The following AMZ1 variants were observed in gnomAD, a reference collection of about 807,000 sequenced individuals.
The protein encoded by AMZ1 is archaelysin family metallopeptidase 1.
AMZ1 carries 39 observed loss-of-function variants against 29.9 expected under a neutral mutation model. The ratio of observed to expected loss-of-function variants is 1.30; its 90% CI spans 1.01 to 1.70. AMZ1 has a LOEUF of 1.70. Ranked by LOEUF, AMZ1 falls within the 40% of genes most tolerant of loss-of-function variation. AMZ1 has a pLI of 0.00. For missense variants in AMZ1, 1,041 were observed against 680.6 expected (o/e 1.53, Z -5.89); for synonymous variants, 458 against 304.0 (o/e 1.51, Z -5.27).
chr7:2,712,214 C>A, intron 6 of AMZ1, 116 bp from the exon 7 acceptor site: 1 of 1,143,052 alleles, frequency 8.7e-7, no homozygotes, highest in Non-Finnish European at 1.2e-6. Context: ...GCCTGACTCC[C>A]GCCCCTGGGT....
intron 3 of AMZ1, among the ~76,000 whole-genome samples, chr7:2,705,822 T>TTGGCCC (rs1325830837): frequency 6.6e-6 from 1 of 152,216 alleles, no homozygotes; most frequent in African/African-American, 2.4e-5. Context: ...GTGGCCTGCC[T>TTGGCCC]TGGCCCTGGC....
intron 1 of AMZ1, among the ~76,000 whole-genome samples, chr7:2,697,103 A>C (rs976316434): frequency 6.6e-6 from 1 of 152,114 alleles, no homozygotes; most frequent in African/African-American, 2.4e-5. Flanking sequence ...GTAGCATTTT[A>C]ATTTATTTTT....
At chr7:2,702,524 CTG>C in intron 2 of AMZ1, 196 bp from the exon 3 acceptor site, 1 of 608,448 alleles carries the variant, frequency 1.6e-6, no homozygotes, top group East Asian at 2.9e-5. Flanking sequence ...AATCTTTCCT[CTG>C]TGTCCCTCGG....
At chr7:2,708,082 C>A (rs7788903) in intron 3 of AMZ1, among the ~76,000 whole-genome samples, 3 of 151,868 alleles carry the variant, frequency 2.0e-5, no homozygotes, top group Admixed American at 6.6e-5. Flanking sequence ...CTTGGCCTCC[C>A]GAGTTGCTGG....
chr7:2,725,194 G>C (rs529830827), intron 4 of AMZ1, among the ~76,000 whole-genome samples: 1 of 152,316 alleles, frequency 6.6e-6, no homozygotes, highest in South Asian at 2.1e-4. Context: ...ATGTGGATTA[G>C]CTAAGGCCCA....
chr7:2,692,143 G>A (rs925848910), intron 1 of AMZ1, among the ~76,000 whole-genome samples: 1 of 152,170 alleles, frequency 6.6e-6, no homozygotes, highest in Non-Finnish European at 1.5e-5. Context: ...GGTGCTCCGA[G>A]GCCGGCTAAG....
intron 4 of AMZ1, among the ~76,000 whole-genome samples, chr7:2,753,988 T>TG (rs1791164958): frequency 6.6e-6 from 1 of 152,190 alleles, no homozygotes; most frequent in South Asian, 2.1e-4. Context: ...CACTTGGATA[T>TG]GCTCAGTGAC....
intron 5 of AMZ1, 128 bp from the exon 6 acceptor site, chr7:2,709,512 G>A (rs971258630): frequency 8.9e-5 from 124 of 1,391,410 alleles, no homozygotes; most frequent in Middle Eastern, 5.2e-4. Context: ...GGGGGAGGGC[G>A]CCTGGACCAC....
At chr7:2,755,720 G>C (rs866784721) in intron 4 of AMZ1, among the ~76,000 whole-genome samples, 1 of 152,092 alleles carries the variant, frequency 6.6e-6, no homozygotes, top group Non-Finnish European at 1.5e-5. Context: ...TGTCTACCCT[G>C]CATTTCCTTT....
Position 2,681,234 on chromosome 7 carries a change from T to C in AMZ1, c.-219+1563T>C, listed in dbSNP as rs553958445. On this transcript the variant is annotated intron_variant, in intron 1 of 6. Transcript: ENST00000312371. The stretch of plus-strand genomic sequence containing the variant: ...TCAACACAGCTTTTGTTATTCATTA[T>C]TATTTTTTGAGACGGGGTCTCACTC... 1.2e-3 allele frequency among the ~76,000 whole-genome samples: 189 copies of C among 152,312 alleles called. 1 individual carries two copies. Among genetic ancestry groups the C allele is most frequent in the African/African-American group, 4.1e-3 (169 of 41,568 alleles).
At chr7:2,704,837 C>A (rs1483173680) in intron 3 of AMZ1, among the ~76,000 whole-genome samples, 1 of 152,056 alleles carries the variant, frequency 6.6e-6, no homozygotes, top group East Asian at 1.9e-4. Flanking sequence ...ACCTGGTGAT[C>A]TGCCTGCCTC....
intron 1 of AMZ1, among the ~76,000 whole-genome samples, chr7:2,696,394 C>CT (rs1290428642): frequency 6.6e-6 from 1 of 150,378 alleles, no homozygotes. Context: ...GTAGCTGGGA[C>CT]TACAGGCGCC....
At chr7:2,751,954 C>T (rs188287408) in intron 4 of AMZ1, among the ~76,000 whole-genome samples, 1 of 152,140 alleles carries the variant, frequency 6.6e-6, no homozygotes, top group Admixed American at 6.5e-5. Flanking sequence ...CGAACGTGAA[C>T]TTTTTCAGAA....
chr7:2,762,749 T>C (rs1048828300), upstream of AMZ1: 39 of 1,552,918 alleles, frequency 2.5e-5, no homozygotes, highest in Non-Finnish European at 3.1e-5. Context: ...CCGCAGGAAG[T>C]GCACCAGGCC....
In AMZ1 at chr7:2,719,024, TCCC is replaced by T. The variant is rs66846250; in HGVS notation, c.*6151_*6153del. On this transcript the variant is annotated 3_prime_UTR_variant, in exon 7 of 7. Transcript: ENST00000683327. ...AACAGGCGACTTTTTTTTTTTTTTTTCCCCCCCATCTGAAGTGAGATCAAACTT... is the reference window on the plus strand; with the variant it reads ...AACAGGCGACTTTTTTTTTTTTTTTTCCCCATCTGAAGTGAGATCAAACTT... Among the ~76,000 whole-genome samples, 35,421 of 142,064 alleles carry T rather than the reference TCCC, an allele frequency of 0.25. 4,748 individuals are homozygous for T. Among genetic ancestry groups the T allele is most frequent in the Non-Finnish European group, 0.3 (19,284 of 64,988 alleles). 93.2% of individuals were successfully genotyped at this position (142,064 alleles called of 152,430 possible). A position where few individuals can be genotyped will look rare whatever the true frequency, so the allele number is the denominator to read the frequency against.
At chr7:2,743,018 A>AG in intron 4 of AMZ1, among the ~76,000 whole-genome samples, 1 of 152,220 alleles carries the variant, frequency 6.6e-6, no homozygotes, top group Non-Finnish European at 1.5e-5. Context: ...TTCAGACAGA[A>AG]AGCCTACCAT....
At chr7:2,757,633 T>C (rs798495) in intron 4 of AMZ1, among the ~76,000 whole-genome samples, 36,870 of 152,120 alleles carry the variant, frequency 0.24, 5,233 homozygotes, top group Non-Finnish European at 0.3. Flanking sequence ...CCCAAGCACA[T>C]TGGGAGATCA....
intron 1 of AMZ1, among the ~76,000 whole-genome samples, chr7:2,696,331 A>G (rs1787725089): frequency 7.0e-6 from 1 of 142,310 alleles, no homozygotes. Context: ...ATCTTGGCTC[A>G]CTGCAAGCTC....
Position 2,713,086 on chromosome 7 carries a change from T to G in AMZ1, c.*208T>G, listed in dbSNP as rs541414444. 290 of 473,532 alleles carry G rather than the reference T, an allele frequency of 6.1e-4. 3 individuals carry two copies. The East Asian group carries it at 0.01, about 17-fold the overall frequency. The allele number at this position is 473,532 out of a possible 1,614,324, so 29.3% of individuals were successfully genotyped here. ...GACTCTGCCTCTACAAAAGAAAAAT[T>G]AAAAAATTAGCTGGATGAAGTGGTT... On this transcript the variant is annotated 3_prime_UTR_variant, in exon 7 of 7. Coordinates refer to ENST00000683327, the MANE Select transcript of AMZ1 (RefSeq NM_001384743.1).
Sources: allele counts gnomAD v4.1 joint callset (sites outside exome capture counted in the v4.1 genomes callset), GRCh38; gene constraint gnomAD v4.1.1; transcripts MANE v1.5; gene names NCBI Gene and HGNC (gene_info 2026-07-23, HGNC 2026-07-21).